Variants in TBCD observed in about 807,000 individuals in gnomAD.
TBCD encodes the protein tubulin-specific chaperone D.
A neutral mutation model predicts 169.3 loss-of-function variants in TBCD; 105 were observed. The ratio of observed to expected loss-of-function variants is 0.62; its 90% CI spans 0.53 to 0.73. The LOEUF is 0.73. Ranked by LOEUF, TBCD falls within the 30% of genes least tolerant of loss-of-function variation. The pLI, the probability that TBCD is intolerant of heterozygous loss-of-function variation, is 0.00. For synonymous variants in TBCD, 700 were observed against 643.9 expected (o/e 1.09, Z -1.32); for missense variants, 1,444 against 1,600.1 (o/e 0.90, Z 1.66).
At chr17:82,847,011 G>A (rs762296221) in intron 13 of TBCD, among the ~76,000 whole-genome samples, 14 of 152,208 alleles carry the variant, frequency 9.2e-5, no homozygotes, top group African/African-American at 1.4e-4. Context: ...TGTGGGCACC[G>A]CTCAGCCATT....
At chr17:82,927,461 A>G (rs1451212889) in intron 29 of TBCD, 138 bp downstream of exon 29, 1 of 1,244,802 alleles carries the variant, frequency 8.0e-7, no homozygotes, top group African/African-American at 1.5e-5. Flanking sequence ...GCTCTGGGGA[A>G]GATGACCTGT....
rs750525002 is a variant in TBCD at position 82,942,552 on chromosome 17, T to TG, written c.*90dup. ...CGGTGTGGAAAGCCTCGCACAGTGGTGCCTCCAGCTGTTGAAGGGTAGCGC... is the reference window on the plus strand; with the variant it reads ...CGGTGTGGAAAGCCTCGCACAGTGGTGGCCTCCAGCTGTTGAAGGGTAGCGC... On this transcript the variant is annotated 3_prime_UTR_variant, in exon 39 of 39. Coordinates refer to ENST00000355528, the MANE Select transcript of TBCD (RefSeq NM_005993.5). 887 of 1,578,968 alleles carry TG rather than the reference T, an allele frequency of 5.6e-4. No homozygotes were observed. Among genetic ancestry groups the TG allele is most frequent in the Non-Finnish European group, 7.2e-4 (824 of 1,150,710 alleles).
At chr17:82,821,314 TGTCCA>T (rs1373218918) in intron 13 of TBCD, among the ~76,000 whole-genome samples, 2 of 127,860 alleles carry the variant, frequency 1.6e-5, no homozygotes, top group Non-Finnish European at 3.4e-5. Flanking sequence ...TTTAGTTCTT[TGTCCA>T]CAGTTTTCTT....
chr17:82,904,300 C>T (rs1014531852), intron 19 of TBCD, among the ~76,000 whole-genome samples: 1 of 145,752 alleles, frequency 6.9e-6, no homozygotes, highest in African/African-American at 2.6e-5. Context: ...ACGACACTCC[C>T]TGGTCTCTAG....
chr17:82,869,461 A>G (rs1156272792), intron 13 of TBCD, among the ~76,000 whole-genome samples: 5 of 152,180 alleles, frequency 3.3e-5, no homozygotes, highest in Admixed American at 1.3e-4. Context: ...TGGAAGGTGC[A>G]GTGAGCCAAG....
chr17:82,901,018 G>A lies in TBCD; in HGVS notation c.1730+287G>A, dbSNP rs539438775. ...GTGCCGCTGCCGTCCGAGGGGGCGC[G>A]GGCGTAGCTTGGAGGCGGACTCTGC... On this transcript the variant is annotated intron_variant, in intron 18 of 38. Transcript: ENST00000355528. Among the ~76,000 whole-genome samples, 15 of 152,342 alleles carry A rather than the reference G, an allele frequency of 9.8e-5. 1 individual carries two copies. The South Asian group carries it at 1.7e-3, about 17-fold the overall frequency.
At chr17:82,909,176 A>G (rs1489781621) in intron 21 of TBCD, 109 bp from the exon 22 acceptor site, 3 of 921,886 alleles carry the variant, frequency 3.3e-6, no homozygotes, top group Non-Finnish European at 4.9e-6. Flanking sequence ...CCTGGCTGGC[A>G]TGGCATCTTC....
chr17:82,797,480 A>T (rs2050183941), intron 7 of TBCD, among the ~76,000 whole-genome samples: 1 of 152,136 alleles, frequency 6.6e-6, no homozygotes, highest in African/African-American at 2.4e-5. Context: ...ACGTTTTGTG[A>T]TGCCATTGAT....
At chr17:82,929,648 C>T (rs1171837584) in intron 32 of TBCD, 148 bp downstream of exon 32, 2 of 1,100,980 alleles carry the variant, frequency 1.8e-6, no homozygotes, top group Admixed American at 2.0e-5. Flanking sequence ...GGTCAGGGGC[C>T]CAGTGTCTTC....
chr17:82,780,903 C>T (rs2144278161), intron 6 of TBCD, among the ~76,000 whole-genome samples: 1 of 152,064 alleles, frequency 6.6e-6, no homozygotes, highest in South Asian at 2.1e-4. Context: ...TCCTCGTCCT[C>T]CAAAGTGCTG....
At chr17:82,850,814 G>T (rs1485197732) in intron 13 of TBCD, among the ~76,000 whole-genome samples, 1 of 152,220 alleles carries the variant, frequency 6.6e-6, no homozygotes, top group African/African-American at 2.4e-5. Context: ...TCTAAAAGCT[G>T]AAAAGCAAAA....
rs74000081 is a variant in TBCD, at chr17:82,782,854, G to A, written c.771+1133G>A. 9.5e-3 allele frequency among the ~76,000 whole-genome samples: 1,437 copies of A among 151,036 alleles called. 18 individuals are homozygous for A. Among genetic ancestry groups the A allele is most frequent in the African/African-American group, 0.032 (1,330 of 41,144 alleles). On this transcript the variant is annotated intron_variant, in intron 7 of 38. Coordinates refer to ENST00000355528, the MANE Select transcript of TBCD (RefSeq NM_005993.5). This position sits in a 1 kb window ranked among gnomAD's most constrained non-coding sequence, Gnocchi z 5.1. ...CGGTGGCGTCCTCCTGTCCGCAGAG[G>A]CGTCCTCATGTCCTCAGTGTTGTCT...
At chr17:82,772,630 CTG>C (rs1214370726) in intron 6 of TBCD, 123 bp downstream of exon 6, 17 of 1,049,142 alleles carry the variant, frequency 1.6e-5, no homozygotes, top group East Asian at 2.4e-5. Context: ...TCTTTGGACT[CTG>C]TGGCTTTCTC....
At chr17:82,816,652 G>A (rs1000096452) in intron 13 of TBCD, among the ~76,000 whole-genome samples, 2 of 151,708 alleles carry the variant, frequency 1.3e-5, no homozygotes, top group Admixed American at 6.6e-5. Flanking sequence ...TCTCACCTCA[G>A]CCTCCTGAGT....
intron 13 of TBCD, chr17:82,830,973 A>C (rs2053452320): frequency 6.2e-7 from 1 of 1,613,492 alleles, no homozygotes; most frequent in Admixed American, 1.7e-5. Flanking sequence ...CATGGAACCC[A>C]ACCAGAAACA....
At chr17:82,850,844 T>C (rs139066667) in intron 13 of TBCD, among the ~76,000 whole-genome samples, 9 of 152,344 alleles carry the variant, frequency 5.9e-5, no homozygotes, top group Non-Finnish European at 1.3e-4. Context: ...TCTGCAGAGA[T>C]AAATGGACAG....
At chr17:82,851,128 C>T (rs1019399385) in intron 13 of TBCD, among the ~76,000 whole-genome samples, 8 of 152,154 alleles carry the variant, frequency 5.3e-5, no homozygotes, top group Non-Finnish European at 1.0e-4. Context: ...GACTCACTGG[C>T]GGACAGATGG....
intron 15 of TBCD, among the ~76,000 whole-genome samples, chr17:82,886,691 CTCCCCTCCCA>C (rs1567959760): frequency 1.6e-5 from 1 of 61,220 alleles, no homozygotes; most frequent in African/African-American, 6.4e-5. Context: ...CTCCCCTCCC[CTCCCCTCCCA>C]CTCTGTCACC....
chr17:82,873,502 C>G (rs2146037335), intron 14 of TBCD, among the ~76,000 whole-genome samples: 1 of 152,286 alleles, frequency 6.6e-6, no homozygotes, highest in South Asian at 2.1e-4. Context: ...TGGAGAAATG[C>G]AGGTGCAACT....
Sources: gnomAD v4.1 joint callset for allele counts (sites outside exome capture counted in the v4.1 genomes callset) on GRCh38, gnomAD v4.1.1 for gene constraint, Gnocchi (gnomAD v3.1) non-coding constraint, MANE v1.5 for transcripts, NCBI Gene and HGNC (gene_info 2026-07-23, HGNC 2026-07-21) for gene names.